Variants in CUX2 observed in about 807,000 individuals in gnomAD.
CUX2 encodes the protein cut like homeobox 2.
Under a neutral mutation model 144.8 loss-of-function variants are expected in CUX2, and 40 were observed. The observed-to-expected ratio is 0.28, with a 90% CI of 0.21 to 0.36. The LOEUF is 0.36. CUX2 is among the 10% of genes least tolerant of loss of function. The pLI, the probability that CUX2 is intolerant of heterozygous loss-of-function variation, is 1.00. For synonymous variants in CUX2, 827 were observed against 875.6 expected (o/e 0.94, Z 0.98); for missense variants, 1,615 against 1,994.0 (o/e 0.81, Z 3.62).
chr12:111,159,864 A>C (rs921654559), intron 1 of CUX2, among the ~76,000 whole-genome samples: 2 of 152,292 alleles, frequency 1.3e-5, no homozygotes, highest in East Asian at 1.9e-4. Context: ...ATCTCTACTA[A>C]AAATACAAAA....
At chr12:111,062,532 C>T (rs75498431) in intron 1 of CUX2, among the ~76,000 whole-genome samples, 3,660 of 152,260 alleles carry the variant, frequency 0.024, 160 homozygotes, top group African/African-American at 0.084. Flanking sequence ...TATCTCAGCA[C>T]CTACTGTGGG....
intron 17 of CUX2, among the ~76,000 whole-genome samples, chr12:111,321,228 GGAGGCT>G (rs761736950): frequency 6.2e-4 from 95 of 152,210 alleles, no homozygotes; most frequent in Non-Finnish European, 6.9e-4. Flanking sequence ...CAGCACTTTG[GGAGGCT>G]GAGGCGGGCA....
In CUX2 at chr12:111,057,028, G is replaced by A. The variant is rs189095394; in HGVS notation, c.63+22788G>A. ...CCAAGCTGGAATGGTTGTGACAAGA[G>A]GTTGTGTGAGGGAATTCAGTGTGAC... On this transcript the variant is annotated intron_variant, in intron 1 of 21. Transcript: ENST00000261726. This position sits in a 1 kb window ranked among gnomAD's most constrained non-coding sequence, Gnocchi z 5.1. Among the ~76,000 whole-genome samples the A allele has an allele frequency of 6.6e-6, 1 of 152,224 alleles. No homozygotes were observed. The highest frequency in any genetic ancestry group is 1.9e-4 in the East Asian group (1 of 5,164).
chr12:111,121,369 C>CTTTTTTT (rs5800920), intron 1 of CUX2, among the ~76,000 whole-genome samples: 84 of 59,012 alleles, frequency 1.4e-3, no homozygotes, highest in Non-Finnish European at 2.2e-3. Flanking sequence ...TTTCTTTTTT[C>CTTTTTTT]TTTTTTTTTT....
At chr12:111,319,903 G>C (rs1400952198) in intron 16 of CUX2, 109 bp from the exon 17 acceptor site, 1 of 1,374,840 alleles carries the variant, frequency 7.3e-7, no homozygotes, top group Non-Finnish European at 9.4e-7. Context: ...GCTGGACACA[G>C]AGGTTGCCTG....
chr12:111,157,517 A>G (rs1435036559), intron 1 of CUX2, among the ~76,000 whole-genome samples: 1 of 152,186 alleles, frequency 6.6e-6, no homozygotes, highest in Non-Finnish European at 1.5e-5. Context: ...TAGAGAATCA[A>G]TGGAAAGGAG....
At chr12:111,330,705 A>G (rs1236474568) in intron 18 of CUX2, among the ~76,000 whole-genome samples, 691 of 19,818 alleles carry the variant, frequency 0.035, 47 homozygotes, top group African/African-American at 0.12. Flanking sequence ...ATATATATAT[A>G]TATATATATA....
rs1181593734 is a variant in CUX2 at position 111,186,680 on chromosome 12, G to A, written c.64-27520G>A. Among the ~76,000 whole-genome samples the A allele has an allele frequency of 1.3e-5, 2 of 152,332 alleles. No homozygotes were observed. Among genetic ancestry groups the A allele is most frequent in the East Asian group, 1.9e-4 (1 of 5,186 alleles). On this transcript the variant is annotated intron_variant, in intron 1 of 21. Coordinates refer to ENST00000261726, the MANE Select transcript of CUX2 (RefSeq NM_015267.4). This position sits in a 1 kb window ranked among gnomAD's most constrained non-coding sequence, Gnocchi z 4.4. Reference sequence around the variant, plus strand: ...TGACCTTGTATGACCTTGCCACTCTGAGCCTCTGTTTCCTTCTCTGCGAAG... The same window carrying A: ...TGACCTTGTATGACCTTGCCACTCTAAGCCTCTGTTTCCTTCTCTGCGAAG...
Position 111,330,724 on chromosome 12 carries a change from T to TATATATACATATAC in CUX2, c.2927-3710_2927-3709insCATATACATATATA, listed in dbSNP as rs1592977283. 1.4e-4 allele frequency among the ~76,000 whole-genome samples: 7 copies of TATATATACATATAC among 51,330 alleles called. 1 individual carries two copies. Among genetic ancestry groups the TATATATACATATAC allele is most frequent in the East Asian group, 1.1e-3 (3 of 2,748 alleles). The allele number at this position is 51,330 out of a possible 152,430, so 33.7% of individuals were successfully genotyped here. A position where few individuals can be genotyped will look rare whatever the true frequency, so the allele number is the denominator to read the frequency against. On this transcript the variant is annotated intron_variant, in intron 18 of 21. Coordinates refer to ENST00000261726, the MANE Select transcript of CUX2 (RefSeq NM_015267.4). ...ATATATATATATATATATATATATA[T>TATATATACATATAC]ATATATATATATATATATATATATA... is the stretch of plus-strand genomic sequence containing the variant.
intron 4 of CUX2, among the ~76,000 whole-genome samples, chr12:111,273,656 T>G (rs990186852): frequency 6.6e-6 from 1 of 152,148 alleles, no homozygotes; most frequent in Non-Finnish European, 1.5e-5. Context: ...GAACTTTCAT[T>G]CTGGGGAGAC....
chr12:111,348,153 C>T lies in CUX2; in HGVS notation c.4289C>T (p.Ala1430Val), dbSNP rs768467158. ...ISPSPPGAPP[A>V]KVPSASPTAD... ...CCATCCCCACCTGGCGCCCCCCCTG[C>T]CAAAGTGCCGAGTGCCAGCCCCACT... is the stretch of plus-strand genomic sequence containing the variant. Residue 1430 changes from alanine to valine, a missense_variant, in exon 22 of 22, where the codon GCC (alanine) becomes GTC (valine). Ala to Val is a moderately conservative substitution (Grantham distance 64, BLOSUM62 0). Coordinates refer to ENST00000261726, the MANE Select transcript of CUX2 (RefSeq NM_015267.4). 1 of 1,614,112 alleles carries T rather than the reference C, an allele frequency of 6.2e-7. No homozygotes were observed.
At chr12:111,338,592 G>A (rs1888453904) in intron 20 of CUX2, 118 bp downstream of exon 20, 1 of 904,476 alleles carries the variant, frequency 1.1e-6, no homozygotes, top group African/African-American at 1.7e-5. Context: ...GCCTACTATG[G>A]GACTGCATGA....
At chr12:111,341,735 G>T (rs1249775610) in intron 20 of CUX2, 45 bp from the exon 21 acceptor site, 1 of 1,521,700 alleles carries the variant, frequency 6.6e-7, no homozygotes, top group East Asian at 2.3e-5. Flanking sequence ...GAACTTTTGG[G>T]ATGGGGACAC....
At chr12:111,115,907 AAATG>A (rs1011924390) in intron 1 of CUX2, among the ~76,000 whole-genome samples, 1 of 152,206 alleles carries the variant, frequency 6.6e-6, no homozygotes, top group Non-Finnish European at 1.5e-5. Flanking sequence ...GAAGATTTAT[AAATG>A]AATGAATGAA....
intron 1 of CUX2, among the ~76,000 whole-genome samples, chr12:111,120,939 G>C (rs943632260): frequency 6.6e-6 from 1 of 151,980 alleles, no homozygotes; most frequent in Non-Finnish European, 1.5e-5. Flanking sequence ...GCCCGGGGGG[G>C]TCCTGCTGTC....
At position 111,277,041 on chromosome 12, in the gene CUX2, T is replaced by G. The variant is rs11065848; in HGVS notation, c.301+13202T>G. Among the ~76,000 whole-genome samples the G allele has an allele frequency of 1.6e-3, 239 of 152,352 alleles. 1 individual carries two copies. The highest frequency in any genetic ancestry group is 5.2e-3 in the African/African-American group (215 of 41,588). On this transcript the variant is annotated intron_variant, in intron 4 of 21. Coordinates refer to ENST00000261726, the MANE Select transcript of CUX2 (RefSeq NM_015267.4). The surrounding 1 kb of genome is among the most constrained non-coding windows in gnomAD (Gnocchi z 5.0). Reference sequence around the variant, plus strand: ...AGAAATTCCAGTTCCTCTGAGCTCTTGGCTCAGGATATCAGGTGGGGGTCT... The same window carrying G: ...AGAAATTCCAGTTCCTCTGAGCTCTGGGCTCAGGATATCAGGTGGGGGTCT...
At chr12:111,256,698 C>T (rs1458035309) in intron 3 of CUX2, among the ~76,000 whole-genome samples, 2 of 152,196 alleles carry the variant, frequency 1.3e-5, no homozygotes, top group Non-Finnish European at 2.9e-5. Flanking sequence ...GGCACCGATA[C>T]CACCTCTGCC....
chr12:111,078,642 C>G (rs942112530), intron 1 of CUX2, among the ~76,000 whole-genome samples: 1 of 152,086 alleles, frequency 6.6e-6, no homozygotes, highest in Non-Finnish European at 1.5e-5. Flanking sequence ...TACACTCCAG[C>G]CTGGGCGACC....
chr12:111,153,362 A>C (rs1249823247), intron 1 of CUX2, among the ~76,000 whole-genome samples: 3 of 152,212 alleles, frequency 2.0e-5, no homozygotes, highest in Non-Finnish European at 4.4e-5. Context: ...ATACATTCTG[A>C]GAAATGCGTT....
Sources: allele counts gnomAD v4.1 joint callset (sites outside exome capture counted in the v4.1 genomes callset), GRCh38; gene constraint gnomAD v4.1.1; non-coding constraint Gnocchi (gnomAD v3.1); transcripts MANE v1.5; gene names NCBI Gene and HGNC (gene_info 2026-07-23, HGNC 2026-07-21).